Variants in CNTNAP2 observed in about 807,000 individuals in gnomAD.
The protein encoded by CNTNAP2 is contactin associated protein 2.
CNTNAP2 carries 98 observed loss-of-function variants against 155.2 expected under a neutral mutation model. That is an observed-to-expected ratio of 0.63 (90% confidence interval 0.54 to 0.75). The LOEUF (loss-of-function observed/expected upper bound fraction) is 0.75, where lower values mean the gene tolerates loss of function less well. CNTNAP2 is among the 30% of genes least tolerant of loss of function. The pLI, the probability that CNTNAP2 is intolerant of heterozygous loss-of-function variation, is 0.00. For missense variants in CNTNAP2, 1,727 were observed against 1,688.1 expected, an observed-to-expected ratio of 1.02 and a Z score of -0.40; for synonymous variants, 651 against 631.2, an observed-to-expected ratio of 1.03 and a Z score of -0.47.
chr7:147,355,385 G>C (rs1444813854), intron 9 of CNTNAP2, among the ~76,000 whole-genome samples: 2 of 152,004 alleles, frequency 1.3e-5, no homozygotes, highest in Non-Finnish European at 2.9e-5. Flanking sequence ...TAAGGAACTA[G>C]AGAAGCAAGA....
At chr7:146,539,068 A>T (rs1482479676) in intron 1 of CNTNAP2, among the ~76,000 whole-genome samples, 1 of 152,136 alleles carries the variant, frequency 6.6e-6, no homozygotes, top group African/African-American at 2.4e-5. Flanking sequence ...CATTTAAGGG[A>T]TGGTGATATT....
At chr7:146,279,892 T>C (rs1444332658) in intron 1 of CNTNAP2, among the ~76,000 whole-genome samples, 1 of 151,634 alleles carries the variant, frequency 6.6e-6, no homozygotes, top group African/African-American at 2.4e-5. Context: ...CTTAAAAAAA[T>C]ATATAATGTA....
intron 2 of CNTNAP2, among the ~76,000 whole-genome samples, chr7:146,821,299 G>A (rs953762932): frequency 6.6e-6 from 1 of 151,562 alleles, no homozygotes; most frequent in Admixed American, 6.6e-5. Flanking sequence ...GCAGTGGCTG[G>A]TACCAGTTGT....
chr7:148,400,031 C>T (rs117983952), intron 22 of CNTNAP2, among the ~76,000 whole-genome samples: 74 of 152,302 alleles, frequency 4.9e-4, no homozygotes, highest in Non-Finnish European at 8.4e-4. Context: ...GCAGAAGCAG[C>T]ATTTTTACCA....
chr7:148,415,633 T>TATGGGA lies in CNTNAP2; in HGVS notation c.*18_*23dup. 1 of 1,613,988 alleles carries TATGGGA rather than the reference T, an allele frequency of 6.2e-7. No homozygotes were observed. The highest frequency in any genetic ancestry group is 8.5e-7 in the Non-Finnish European group (1 of 1,179,998). ...CTCATTTGAGGGGTGGCTACTTGGC[T>TATGGGA]ATGGGATAGGGAGGAGGGAATTACT... On this transcript the variant is annotated 3_prime_UTR_variant, in exon 24 of 24. Coordinates refer to ENST00000361727, the MANE Select transcript of CNTNAP2 (RefSeq NM_014141.6).
intron 13 of CNTNAP2, among the ~76,000 whole-genome samples, chr7:147,721,916 C>T (rs1796572994): frequency 1.3e-5 from 2 of 152,118 alleles, no homozygotes; most frequent in South Asian, 4.1e-4. Context: ...CAATTGTTTA[C>T]CAGCGTTTCA....
intron 1 of CNTNAP2, among the ~76,000 whole-genome samples, chr7:146,479,859 A>G (rs1318289640): frequency 6.6e-6 from 1 of 152,106 alleles, no homozygotes; most frequent in Non-Finnish European, 1.5e-5. Context: ...ATCTCAGCTC[A>G]CTGCAACCTC....
intron 10 of CNTNAP2, among the ~76,000 whole-genome samples, chr7:147,426,499 G>A (rs1797380461): frequency 6.6e-6 from 1 of 151,958 alleles, no homozygotes; most frequent in East Asian, 1.9e-4. Flanking sequence ...CCTTTCCACC[G>A]AGCAAAGATT....
chr7:146,669,255 A>G (rs887631537), intron 1 of CNTNAP2, among the ~76,000 whole-genome samples: 1 of 152,160 alleles, frequency 6.6e-6, no homozygotes, highest in Non-Finnish European at 1.5e-5. Context: ...TTTGAAGAAC[A>G]GGCAGTAAGC....
rs137957476 is a variant in CNTNAP2 at position 147,331,747 on chromosome 7, A to T, written c.1498+31457A>T. 2.7e-3 allele frequency among the ~76,000 whole-genome samples: 418 copies of T among 152,284 alleles called. 4 individuals carry two copies. Among genetic ancestry groups the T allele is most frequent in the African/African-American group, 9.6e-3 (399 of 41,570 alleles). On this transcript the variant is annotated intron_variant, in intron 9 of 23. Transcript: ENST00000361727. ...AAGGAGGATATAAAGACTCATCGAG[A>T]TTACTAGAAGTGTTCTCCTTTTGGC... is the stretch of plus-strand genomic sequence containing the variant.
intron 1 of CNTNAP2, among the ~76,000 whole-genome samples, chr7:146,149,558 T>C (rs1484122000): frequency 6.6e-6 from 1 of 151,910 alleles, no homozygotes; most frequent in Non-Finnish European, 1.5e-5. Context: ...GATAAACAAA[T>C]AGACTAAAAG....
At chr7:147,648,119 G>A (rs1482886706) in intron 13 of CNTNAP2, among the ~76,000 whole-genome samples, 1 of 152,074 alleles carries the variant, frequency 6.6e-6, no homozygotes, top group African/African-American at 2.4e-5. Context: ...CAAGAGTAGG[G>A]GTTTAAAAAT....
intron 18 of CNTNAP2, among the ~76,000 whole-genome samples, chr7:148,211,675 C>T (rs1341051534): frequency 6.6e-6 from 1 of 152,196 alleles, no homozygotes; most frequent in African/African-American, 2.4e-5. Flanking sequence ...CCTGTGGGAG[C>T]AGAGTTCCCT....
chr7:146,620,291 G>A (rs150048452), intron 1 of CNTNAP2, among the ~76,000 whole-genome samples: 269 of 152,186 alleles, frequency 1.8e-3, no homozygotes, highest in Admixed American at 4.1e-3. Context: ...CAATCTCATC[G>A]TGACCATGGA....
At chr7:146,132,753 T>G (rs1244585071) in intron 1 of CNTNAP2, among the ~76,000 whole-genome samples, 5 of 151,630 alleles carry the variant, frequency 3.3e-5, no homozygotes, top group African/African-American at 1.2e-4. Flanking sequence ...CATCATTTTT[T>G]ATGGCTGCAT....
intron 8 of CNTNAP2, among the ~76,000 whole-genome samples, chr7:147,255,807 A>G (rs1317046250): frequency 6.6e-6 from 1 of 152,112 alleles, no homozygotes; most frequent in East Asian, 1.9e-4. Context: ...TGCAATCTCC[A>G]GCTCACTGCA....
intron 12 of CNTNAP2, among the ~76,000 whole-genome samples, chr7:147,586,639 A>G (rs1273505577): frequency 6.6e-6 from 1 of 151,878 alleles, no homozygotes. Flanking sequence ...GCAGAAACAA[A>G]ACGGAAATAC....
At chr7:147,310,887 G>A (rs1208376657) in intron 9 of CNTNAP2, among the ~76,000 whole-genome samples, 1 of 152,176 alleles carries the variant, frequency 6.6e-6, no homozygotes, top group Non-Finnish European at 1.5e-5. Flanking sequence ...GGAATTTATA[G>A]CAAAAAGCAG....
intron 1 of CNTNAP2, among the ~76,000 whole-genome samples, chr7:146,442,935 G>A (rs1305725191): frequency 3.9e-5 from 6 of 152,054 alleles, no homozygotes; most frequent in Admixed American, 3.3e-4. Flanking sequence ...GGCCGGGCGC[G>A]GTGGCTGACG....
Sources: allele counts gnomAD v4.1 joint callset (sites outside exome capture counted in the v4.1 genomes callset), GRCh38; gene constraint gnomAD v4.1.1; transcripts MANE v1.5; gene names NCBI Gene and HGNC (gene_info 2026-07-23, HGNC 2026-07-21).